SMCO4: variants seen among roughly 807,000 people sequenced by gnomAD.
SMCO4 encodes the protein single-pass membrane protein with coiled-coil domains 4.
A neutral mutation model predicts 3.6 loss-of-function variants in SMCO4; 4 were observed. That is an observed-to-expected ratio of 1.11 (90% confidence interval 0.54 to 2.53). SMCO4 has a LOEUF of 2.53. SMCO4 is among the 30% of genes most tolerant of loss of function. The pLI is 0.02. For synonymous variants in SMCO4, 36 were observed against 35.3 expected (o/e 1.02, Z -0.07); for missense variants, 70 against 80.8 (o/e 0.87, Z 0.51).
intron 2 of SMCO4, among the ~76,000 whole-genome samples, chr11:93,498,503 G>C (rs970688092): frequency 6.6e-6 from 1 of 152,320 alleles, no homozygotes; most frequent in Non-Finnish European, 1.5e-5. Context: ...CGGAGAAGGG[G>C]GCTGGGGAGC....
upstream of SMCO4, among the ~76,000 whole-genome samples, chr11:93,545,489 G>A (rs942601178): frequency 2.0e-5 from 3 of 150,980 alleles, no homozygotes; most frequent in Non-Finnish European, 4.4e-5. Context: ...TGGGAGGCCT[G>A]AGGCAGGAGA....
chr11:93,519,112 G>A (rs114445138), intron 1 of SMCO4, among the ~76,000 whole-genome samples: 3 of 152,148 alleles, frequency 2.0e-5, no homozygotes, highest in South Asian at 2.1e-4. Context: ...GGAAAGATAC[G>A]AAAGCATCAG....
intron 2 of SMCO4, among the ~76,000 whole-genome samples, chr11:93,494,031 T>C (rs891430088): frequency 6.6e-6 from 1 of 152,186 alleles, no homozygotes; most frequent in Non-Finnish European, 1.5e-5. Context: ...CCTCCTCCAC[T>C]GTTTCTCTGC....
intron 2 of SMCO4, among the ~76,000 whole-genome samples, chr11:93,484,842 G>A (rs1948630247): frequency 6.6e-6 from 1 of 152,150 alleles, no homozygotes; most frequent in African/African-American, 2.4e-5. Flanking sequence ...TCTAAGACAA[G>A]GAAGATCACT....
At chr11:93,516,805 G>GA (rs1949011899) in intron 1 of SMCO4, among the ~76,000 whole-genome samples, 2 of 149,384 alleles carry the variant, frequency 1.3e-5, no homozygotes, top group Middle Eastern at 3.5e-3. Context: ...AGAAAAAAAA[G>GA]AAAAAAAAGT....
intron 1 of SMCO4, among the ~76,000 whole-genome samples, chr11:93,521,793 G>A (rs770897956): frequency 6.6e-6 from 1 of 152,296 alleles, no homozygotes; most frequent in East Asian, 1.9e-4. Context: ...GACTAAGGAT[G>A]AAGGGAACAT....
At chr11:93,536,544 C>A (rs1949226662) in intron 1 of SMCO4, among the ~76,000 whole-genome samples, 1 of 152,170 alleles carries the variant, frequency 6.6e-6, no homozygotes, top group Admixed American at 6.5e-5. Flanking sequence ...CAGTATGATG[C>A]AATCAGATTC....
At chr11:93,516,230 T>A (rs182160064) in intron 1 of SMCO4, among the ~76,000 whole-genome samples, 2 of 151,990 alleles carry the variant, frequency 1.3e-5, no homozygotes, top group African/African-American at 4.8e-5. Context: ...CGGTAATGGG[T>A]AAGGGAGAAG....
intron 1 of SMCO4, among the ~76,000 whole-genome samples, chr11:93,540,675 T>G (rs1308958850): frequency 6.6e-6 from 1 of 152,186 alleles, no homozygotes; most frequent in African/African-American, 2.4e-5. Flanking sequence ...TGGCTTTGTT[T>G]TCTCTCCTGT....
chr11:93,506,749 G>C (rs1050024734), intron 1 of SMCO4, among the ~76,000 whole-genome samples: 4 of 152,128 alleles, frequency 2.6e-5, no homozygotes, highest in African/African-American at 2.4e-5. Flanking sequence ...CCTTAGCTAA[G>C]CGTGTCCTTG....
chr11:93,501,707 T>C (rs891168650), intron 1 of SMCO4, among the ~76,000 whole-genome samples: 2 of 152,140 alleles, frequency 1.3e-5, no homozygotes, highest in African/African-American at 4.8e-5. Flanking sequence ...AGGTAACATT[T>C]ATAGGTTCCA....
intron 1 of SMCO4, among the ~76,000 whole-genome samples, chr11:93,521,140 C>A (rs892694250): frequency 1.1e-4 from 17 of 152,216 alleles, no homozygotes; most frequent in African/African-American, 4.1e-4. Context: ...ACTGGCAAAA[C>A]CAGGACATCT....
chr11:93,503,344 A>G (rs1948863719), intron 1 of SMCO4, among the ~76,000 whole-genome samples: 1 of 152,194 alleles, frequency 6.6e-6, no homozygotes, highest in Non-Finnish European at 1.5e-5. Context: ...AGACTTATTC[A>G]TTACCACAAG....
intron 1 of SMCO4, among the ~76,000 whole-genome samples, chr11:93,504,468 C>T (rs1591313512): frequency 6.6e-6 from 1 of 152,240 alleles, no homozygotes; most frequent in Non-Finnish European, 1.5e-5. Context: ...ATTCCCAGAG[C>T]TCATCCAGCC....
intron 2 of SMCO4, among the ~76,000 whole-genome samples, chr11:93,487,881 C>T (rs1948669343): frequency 1.3e-5 from 2 of 151,938 alleles, no homozygotes; most frequent in African/African-American, 4.9e-5. Flanking sequence ...ACTATGTTGT[C>T]AAACAAAGAT....
At chr11:93,514,411 T>C (rs74998949) in intron 1 of SMCO4, among the ~76,000 whole-genome samples, 876 of 20,884 alleles carry the variant, frequency 0.042, 74 homozygotes, top group Non-Finnish European at 0.076. Context: ...TATATATATA[T>C]ATATATATAT....
chr11:93,514,730 T>C (rs1216201543), intron 1 of SMCO4, among the ~76,000 whole-genome samples: 2 of 152,196 alleles, frequency 1.3e-5, no homozygotes, highest in African/African-American at 2.4e-5. Context: ...TCACATTTTC[T>C]AGCCTCATTC....
Position 93,530,780 on chromosome 11 carries a change from TC to T in SMCO4, c.-154+12495del, listed in dbSNP as rs1949154801. Among the ~76,000 whole-genome samples, 3 of 151,940 alleles carry T rather than the reference TC, an allele frequency of 2.0e-5. No homozygotes were observed. In the South Asian group the frequency reaches 6.2e-4, roughly 32 times the overall value. ...CTCCACACAGCAGCTCCTCCCTCTC[TC>T]CCCCTTCTCCAGCCCCAAGTGCACA... On this transcript the variant is annotated intron_variant, in intron 1 of 2. Transcript: ENST00000298966.
chr11:93,526,943 T>G (rs770684988), intron 1 of SMCO4, among the ~76,000 whole-genome samples: 2 of 152,208 alleles, frequency 1.3e-5, no homozygotes, highest in Non-Finnish European at 2.9e-5. Context: ...TCTAGGCCAT[T>G]GCCCTTTCCA....
Sources: gnomAD v4.1 joint callset for allele counts (sites outside exome capture counted in the v4.1 genomes callset) on GRCh38, gnomAD v4.1.1 for gene constraint, MANE v1.5 for transcripts, NCBI Gene and HGNC (gene_info 2026-07-23, HGNC 2026-07-21) for gene names.